Variants in PPP1R21 observed in about 807,000 individuals in gnomAD.
The protein encoded by PPP1R21 is KLRAQ motif containing 1.
A neutral mutation model predicts 112.8 loss-of-function variants in PPP1R21; 85 were observed. The observed-to-expected ratio is 0.75, with a 90% CI of 0.63 to 0.90. The LOEUF (loss-of-function observed/expected upper bound fraction) is 0.90, where lower values mean the gene tolerates loss of function less well. PPP1R21 is among the 40% of genes least tolerant of loss of function. The pLI is 0.00. For missense variants in PPP1R21, 1,199 were observed against 901.5 expected, an observed-to-expected ratio of 1.33 and a Z score of -4.23; for synonymous variants, 381 against 322.3, an observed-to-expected ratio of 1.18 and a Z score of -1.95.
Position 48,458,112 on chromosome 2 carries a change from A to C in PPP1R21, c.274-14A>C, listed in dbSNP as rs779206546. On this transcript the variant is annotated splice_polypyrimidine_tract_variant and intron_variant, in intron 3 of 21. Transcript: ENST00000294952. ...GATGAAAGTTATGTGGACATAACTT[A>C]TTCTTTCCATCAGAAAAGTGGAGAA... The C allele has an allele frequency of 1.3e-6, 2 of 1,565,576 alleles. No individual in the cohort carries two copies. Among genetic ancestry groups the C allele is most frequent in the South Asian group, 2.2e-5 (2 of 89,828 alleles).
At chr2:48,448,103 T>C (rs1667328137) in intron 1 of PPP1R21, among the ~76,000 whole-genome samples, 1 of 152,158 alleles carries the variant, frequency 6.6e-6, no homozygotes. Flanking sequence ...CAAAGAGTAG[T>C]TAAAATGGCA....
chr2:48,474,662 T>C, intron 11 of PPP1R21, 21 bp from the exon 12 acceptor site: 2 of 1,592,672 alleles, frequency 1.3e-6, no homozygotes, highest in Non-Finnish European at 1.7e-6. Context: ...GCTCACTTCT[T>C]AAAAATCTGC....
intron 1 of PPP1R21, among the ~76,000 whole-genome samples, chr2:48,447,715 G>GAGGTGGGCAGATCACTTGAGGTC (rs1458718431): frequency 1.3e-5 from 2 of 152,182 alleles, no homozygotes; most frequent in Admixed American, 6.5e-5. Context: ...TTGGGAGGCT[G>GAGGTGGGCAGATCACTTGAGGTC]AGGTGGGCAG....
At position 48,511,085 on chromosome 2, in the gene PPP1R21, G is replaced by A. The variant is rs189340049; in HGVS notation, c.2185-255G>A. On this transcript the variant is annotated intron_variant, in intron 20 of 21. Transcript: ENST00000294952. ...GTTGTACATGTTTGGGGGGGACATG[G>A]TATTTTGATTATTTTGATACCTTTG... Among the ~76,000 whole-genome samples the A allele has an allele frequency of 1.2e-3, 176 of 152,238 alleles. 1 individual carries two copies. The highest frequency in any genetic ancestry group is 3.7e-3 in the Admixed American group (56 of 15,286).
intron 12 of PPP1R21, chr2:48,479,437 C>T (rs955300301): frequency 3.0e-5 from 14 of 469,950 alleles, no homozygotes; most frequent in African/African-American, 2.0e-4. Context: ...CCCTTAGAAC[C>T]GTCTCCAGAG....
intron 21 of PPP1R21, among the ~76,000 whole-genome samples, chr2:48,513,307 A>G (rs375469614): frequency 4.0e-5 from 6 of 151,588 alleles, no homozygotes; most frequent in East Asian, 1.9e-4. Context: ...CAGGTTCAAG[A>G]GATTTTCCCA....
At chr2:48,456,823 C>A (rs1223292507) in intron 3 of PPP1R21, among the ~76,000 whole-genome samples, 3 of 152,074 alleles carry the variant, frequency 2.0e-5, no homozygotes, top group Non-Finnish European at 4.4e-5. Context: ...GAGGCCGAGG[C>A]GGGCAGATCA....
At chr2:48,487,869 T>A (rs1006997161) in intron 14 of PPP1R21, among the ~76,000 whole-genome samples, 1 of 152,296 alleles carries the variant, frequency 6.6e-6, no homozygotes, top group East Asian at 1.9e-4. Flanking sequence ...CTTTAATGAT[T>A]AAGATTTTTC....
chr2:48,484,673 C>CA (rs1669195676), intron 13 of PPP1R21, among the ~76,000 whole-genome samples: 1 of 152,126 alleles, frequency 6.6e-6, no homozygotes, highest in African/African-American at 2.4e-5. Flanking sequence ...CATGCCACTA[C>CA]ACCCAGCAAT....
chr2:48,464,213 G>A (rs1668103751), intron 7 of PPP1R21, among the ~76,000 whole-genome samples: 1 of 152,192 alleles, frequency 6.6e-6, no homozygotes, highest in African/African-American at 2.4e-5. Flanking sequence ...AGCCCAGTGA[G>A]TAGCAATGGA....
chr2:48,468,861 G>A (rs1212834443), intron 9 of PPP1R21, among the ~76,000 whole-genome samples: 2,380 of 150,178 alleles, frequency 0.016, 53 homozygotes, highest in African/African-American at 0.053. Flanking sequence ...GTGTGTGTAT[G>A]TATATATGTA....
At chr2:48,446,931 A>T (rs1285275476) in intron 1 of PPP1R21, among the ~76,000 whole-genome samples, 1 of 152,084 alleles carries the variant, frequency 6.6e-6, no homozygotes, top group Non-Finnish European at 1.5e-5. Context: ...TTGTATTTTC[A>T]GTAGAGATGG....
At chr2:48,487,721 A>T (rs1367248458) in intron 14 of PPP1R21, among the ~76,000 whole-genome samples, 2 of 150,938 alleles carry the variant, frequency 1.3e-5, no homozygotes, top group Admixed American at 6.6e-5. Context: ...TGTGTGAGCC[A>T]CTGCACCCTA....
chr2:48,449,173 A>G (rs1667374251), intron 1 of PPP1R21, among the ~76,000 whole-genome samples: 1 of 152,222 alleles, frequency 6.6e-6, no homozygotes, highest in African/African-American at 2.4e-5. Flanking sequence ...GCCTTACACC[A>G]TGCAAACTAT....
chr2:48,465,117 G>A (rs950301192), intron 8 of PPP1R21, 128 bp downstream of exon 8: 28 of 737,106 alleles, frequency 3.8e-5, no homozygotes, highest in South Asian at 7.4e-5. Flanking sequence ...TGCTTTACGT[G>A]TTTCTCATAC....
intron 15 of PPP1R21, among the ~76,000 whole-genome samples, chr2:48,495,200 T>G (rs1482486028): frequency 6.6e-6 from 1 of 152,164 alleles, no homozygotes; most frequent in Non-Finnish European, 1.5e-5. Flanking sequence ...TTCTTTATTG[T>G]TTTTCTTTTT....
chr2:48,474,120 T>C (rs1168951594), intron 11 of PPP1R21, among the ~76,000 whole-genome samples: 1 of 152,332 alleles, frequency 6.6e-6, no homozygotes, highest in Middle Eastern at 3.4e-3. Flanking sequence ...TGGTGGTTCA[T>C]GCCTGTAATC....
At chr2:48,479,447 G>T (rs767611410) in intron 12 of PPP1R21, 1 of 471,336 alleles carries the variant, frequency 2.1e-6, no homozygotes, top group South Asian at 1.6e-5. Context: ...CGTCTCCAGA[G>T]ACTTTAAGTG....
chr2:48,466,854 T>A (rs1668226347), intron 9 of PPP1R21, among the ~76,000 whole-genome samples: 1 of 150,946 alleles, frequency 6.6e-6, no homozygotes, highest in Admixed American at 6.6e-5. Flanking sequence ...GAAGGGGAGG[T>A]ATGGAAAGGA....
Sources: allele counts gnomAD v4.1 joint callset (sites outside exome capture counted in the v4.1 genomes callset), GRCh38; gene constraint gnomAD v4.1.1; transcripts MANE v1.5; gene names NCBI Gene and HGNC (gene_info 2026-07-23, HGNC 2026-07-21).